MYH11: variants seen among roughly 807,000 people sequenced by gnomAD.
MYH11 encodes the protein myosin heavy chain 11.
A neutral mutation model predicts 246.6 loss-of-function variants in MYH11; 80 were observed. That is an observed-to-expected ratio of 0.32 (90% CI 0.27 to 0.39). MYH11 has a LOEUF of 0.39. Ranked by LOEUF, MYH11 falls within the 10% of genes least tolerant of loss-of-function variation. The pLI is 1.00. For synonymous variants in MYH11, 1,071 were observed against 1,015.5 expected, an observed-to-expected ratio of 1.05 and a Z score of -1.04; for missense variants, 2,158 against 2,546.8, an observed-to-expected ratio of 0.85 and a Z score of 3.29.
rs566872637 is a variant in MYH11 at position 15,740,123 on chromosome 16, C to T, written c.2925G>A (p.Thr975=). The change falls in exon 23 of 41, where the codon ACG becomes ACA. Residue 975 remains threonine (T), a synonymous_variant. Coordinates refer to ENST00000300036, the MANE Select transcript of MYH11 (RefSeq NM_002474.3). ...CCAGTTTCTTGATCTTGGCCTCAGCCGTGACCTTCTCAAGTTGCAGCTTCT... is the reference window on the plus strand; with the variant it reads ...CCAGTTTCTTGATCTTGGCCTCAGCTGTGACCTTCTCAAGTTGCAGCTTCT... ...ARQKLQLEKV[T]AEAKIKKLED... The T allele has an allele frequency of 5.6e-6, 9 of 1,614,214 alleles. 1 individual carries two copies. The highest frequency in any genetic ancestry group is 1.6e-4 in the Middle Eastern group (1 of 6,062).
chr16:15,780,134 C>T (rs958831850), intron 6 of MYH11, among the ~76,000 whole-genome samples: 2 of 152,168 alleles, frequency 1.3e-5, no homozygotes, highest in Non-Finnish European at 2.9e-5. Context: ...TTGTCTTGCA[C>T]GTGCTTCCAT....
intron 3 of MYH11, among the ~76,000 whole-genome samples, chr16:15,804,367 C>T (rs887614384): frequency 6.6e-6 from 1 of 151,970 alleles, no homozygotes; most frequent in African/African-American, 2.4e-5. Context: ...ACCAAAAATA[C>T]AAAAATTAGC....
intron 40 of MYH11, among the ~76,000 whole-genome samples, chr16:15,707,624 TGGACAC>T (rs1352938489): frequency 1.3e-5 from 2 of 152,180 alleles, no homozygotes; most frequent in Admixed American, 1.3e-4. Flanking sequence ...AAAATGAAGA[TGGACAC>T]AAATGAGGGT....
At chr16:15,706,587 A>C (rs111861338) in intron 40 of MYH11, among the ~76,000 whole-genome samples, 5,017 of 152,064 alleles carry the variant, frequency 0.033, 282 homozygotes, top group African/African-American at 0.11. Context: ...GGCGCCTGGA[A>C]TCCCAGTCAC....
At chr16:15,786,281 G>C in intron 5 of MYH11, 1 of 404,132 alleles carries the variant, frequency 2.5e-6, no homozygotes, top group Non-Finnish European at 4.7e-6. Flanking sequence ...AACATTCTAC[G>C]AGCCACAGGG....
chr16:15,745,317 G>T, intron 19 of MYH11, 80 bp from the exon 20 acceptor site: 1 of 980,796 alleles, frequency 1.0e-6, no homozygotes, highest in Non-Finnish European at 1.6e-6. Flanking sequence ...GCAGCATCCT[G>T]AACCTGCACA....
At chr16:15,818,155 T>G (rs1163903578) in intron 3 of MYH11, among the ~76,000 whole-genome samples, 1 of 152,126 alleles carries the variant, frequency 6.6e-6, no homozygotes, top group Non-Finnish European at 1.5e-5. Flanking sequence ...CAATCCCGCC[T>G]TTTCACACCC....
chr16:15,772,433 C>G (rs747197054), intron 8 of MYH11, among the ~76,000 whole-genome samples: 33 of 152,050 alleles, frequency 2.2e-4, no homozygotes, highest in Admixed American at 2.6e-4. Flanking sequence ...TTCAAACAGG[C>G]ACATGAGTTT....
At chr16:15,751,592 A>T (rs2041573402) in intron 15 of MYH11, among the ~76,000 whole-genome samples, 3 of 149,928 alleles carry the variant, frequency 2.0e-5, no homozygotes, top group Admixed American at 6.7e-5. Context: ...CCTTCTACTC[A>T]GATTCTGTGT....
chr16:15,715,127 G>C (rs1474448673), intron 39 of MYH11, 37 bp downstream of exon 39: 1 of 1,612,388 alleles, frequency 6.2e-7, no homozygotes, highest in East Asian at 2.2e-5. Flanking sequence ...CCGGCTGGGG[G>C]CTGGGGGCTC....
At chr16:15,778,324 C>T (rs1249901707) in intron 7 of MYH11, among the ~76,000 whole-genome samples, 1 of 152,196 alleles carries the variant, frequency 6.6e-6, no homozygotes, top group African/African-American at 2.4e-5. Flanking sequence ...AGAATTTGGC[C>T]TCGGACAATG....
chr16:15,735,801 G>A (rs2041101235), intron 25 of MYH11, among the ~76,000 whole-genome samples: 2 of 152,222 alleles, frequency 1.3e-5, no homozygotes, highest in South Asian at 4.1e-4. Context: ...CATGTGCATG[G>A]GTGTGTGTAC....
At chr16:15,809,198 C>G (rs761393117) in intron 3 of MYH11, among the ~76,000 whole-genome samples, 1 of 152,156 alleles carries the variant, frequency 6.6e-6, no homozygotes, top group Non-Finnish European at 1.5e-5. Flanking sequence ...TTTACACATA[C>G]GCACAGTAGG....
intron 1 of MYH11, among the ~76,000 whole-genome samples, chr16:15,842,803 G>T (rs1451798804): frequency 1.5e-5 from 2 of 136,284 alleles, no homozygotes; most frequent in African/African-American, 5.4e-5. Context: ...GCAGAGAAAT[G>T]AGGAAATCCC....
intron 2 of MYH11, among the ~76,000 whole-genome samples, chr16:15,827,790 G>A (rs2043611262): frequency 6.6e-6 from 1 of 152,234 alleles, no homozygotes; most frequent in Non-Finnish European, 1.5e-5. Flanking sequence ...GGCCTTGCAC[G>A]GCGGCAGTAG....
chr16:15,798,541 A>G, intron 4 of MYH11, 119 bp downstream of exon 4: 1 of 1,078,850 alleles, frequency 9.3e-7, no homozygotes, highest in Non-Finnish European at 1.3e-6. Flanking sequence ...ACTTGGAACC[A>G]TGAACAAATC....
chr16:15,843,507 G>T (rs1283531896), intron 1 of MYH11, among the ~76,000 whole-genome samples: 1 of 150,360 alleles, frequency 6.7e-6, no homozygotes, highest in Non-Finnish European at 1.5e-5. Flanking sequence ...TGGCTAACAC[G>T]GCAAAACCCT....
At chr16:15,807,715 C>T (rs1325683256) in intron 3 of MYH11, among the ~76,000 whole-genome samples, 1 of 152,144 alleles carries the variant, frequency 6.6e-6, no homozygotes, top group African/African-American at 2.4e-5. Context: ...CCTCACACCC[C>T]ATCCTTAAAC....
At chr16:15,835,065 A>G (rs1364694523) in intron 2 of MYH11, among the ~76,000 whole-genome samples, 2 of 146,234 alleles carry the variant, frequency 1.4e-5, no homozygotes, top group East Asian at 3.9e-4. Flanking sequence ...TCAAAGACAG[A>G]GTAAGCCCCC....
Sources: gnomAD v4.1 joint callset for allele counts (sites outside exome capture counted in the v4.1 genomes callset) on GRCh38, gnomAD v4.1.1 for gene constraint, MANE v1.5 for transcripts, NCBI Gene and HGNC (gene_info 2026-07-23, HGNC 2026-07-21) for gene names.